The following ZC3H12B variants were observed in gnomAD, a reference collection of about 807,000 sequenced individuals.
ZC3H12B encodes the protein zinc finger CCCH-type containing 12B.
A neutral mutation model predicts 43.9 loss-of-function variants in ZC3H12B; 7 were observed. The observed-to-expected ratio is 0.16, with a 90% CI of 0.09 to 0.30. ZC3H12B has a LOEUF of 0.30. ZC3H12B is among the 10% of genes least tolerant of loss of function. The probability of loss-of-function intolerance (pLI) is 1.00; values close to 1 mark genes in which losing one functional copy is unlikely to be tolerated. For synonymous variants in ZC3H12B, 222 were observed against 241.7 expected, an observed-to-expected ratio of 0.92 and a Z score of 0.76; for missense variants, 475 against 670.2, an observed-to-expected ratio of 0.71 and a Z score of 3.22.
chrX:65,467,566 C>A (rs773704372), intron 3 of ZC3H12B, among the ~76,000 whole-genome samples: 2 of 112,221 alleles, frequency 1.8e-5, no homozygotes, highest in Non-Finnish European at 3.8e-5. Flanking sequence ...ACATTATCAC[C>A]AGCAGCATAT....
the ZC3H12B span, among the ~76,000 whole-genome samples, chrX:65,094,731 T>G: frequency 8.9e-6 from 1 of 112,184 alleles, no homozygotes; most frequent in Admixed American, 9.4e-5. Context: ...ATGAAACAAT[T>G]AAAATTGTTG....
the ZC3H12B span, among the ~76,000 whole-genome samples, chrX:65,252,937 G>A: frequency 4.4e-3 from 493 of 111,806 alleles, 3 homozygotes; most frequent in Non-Finnish European, 6.6e-3. Flanking sequence ...TAAATTATAC[G>A]TTTTTTGGGA....
chrX:65,147,728 A>G, the ZC3H12B span, among the ~76,000 whole-genome samples: 2 of 110,837 alleles, frequency 1.8e-5, no homozygotes, highest in South Asian at 7.7e-4. Context: ...GATCTACTGG[A>G]GTATCCCTGA....
At chrX:65,387,622 A>G (rs898698756) in intron 2 of ZC3H12B, among the ~76,000 whole-genome samples, 11 of 111,621 alleles carry the variant, frequency 9.9e-5, no homozygotes, top group Non-Finnish European at 1.9e-4. Context: ...TTTTATTTGG[A>G]GCATTTAGTC....
At chrX:65,170,306 T>G in the ZC3H12B span, among the ~76,000 whole-genome samples, 2 of 111,813 alleles carry the variant, frequency 1.8e-5, no homozygotes, top group African/African-American at 6.5e-5. Context: ...TTAATTTGGC[T>G]GGATATGAAA....
the ZC3H12B span, among the ~76,000 whole-genome samples, chrX:65,176,869 A>G: frequency 4.6e-4 from 51 of 111,638 alleles, no homozygotes; most frequent in Non-Finnish European, 8.1e-4. Context: ...AGCTGGTACC[A>G]TTTCTTCTGA....
intron 2 of ZC3H12B, among the ~76,000 whole-genome samples, chrX:65,390,561 C>A (rs911691240): frequency 7.2e-5 from 8 of 111,330 alleles, no homozygotes; most frequent in African/African-American, 2.6e-4. Context: ...AACACTTGAT[C>A]ACCCAGATAT....
At chrX:65,250,601 T>G in the ZC3H12B span, among the ~76,000 whole-genome samples, 17 of 111,445 alleles carry the variant, frequency 1.5e-4, no homozygotes, top group South Asian at 3.0e-3. Context: ...AGCACCTGTT[T>G]TTTCCTGACT....
chrX:65,300,928 A>G, the ZC3H12B span, among the ~76,000 whole-genome samples: 24 of 110,756 alleles, frequency 2.2e-4, no homozygotes, highest in Non-Finnish European at 1.3e-4. Context: ...TTTGCGAACC[A>G]TGCATCTGAC....
At chrX:65,375,686 C>T (rs766815333) in intron 2 of ZC3H12B, among the ~76,000 whole-genome samples, 1 of 111,225 alleles carries the variant, frequency 9.0e-6, no homozygotes, top group East Asian at 2.9e-4. Flanking sequence ...CTAGATACAT[C>T]CTGAGCCAGA....
the ZC3H12B span, among the ~76,000 whole-genome samples, chrX:65,292,717 G>A: frequency 1.8e-5 from 2 of 111,136 alleles, no homozygotes; most frequent in Non-Finnish European, 3.8e-5. Context: ...AGGCATGGTG[G>A]CTTATTCCTG....
chrX:65,503,430 C>T, exon 5 of ZC3H12B: 1 of 338,597 alleles, frequency 3.0e-6, no homozygotes, highest in South Asian at 5.9e-5. Flanking sequence ...GCCAGGGTCA[C>T]ACTGCTAGCA....
At chrX:65,393,369 T>C (rs778086046) in intron 2 of ZC3H12B, among the ~76,000 whole-genome samples, 40 of 111,876 alleles carry the variant, frequency 3.6e-4, no homozygotes, top group African/African-American at 1.3e-3. Context: ...GCCATGGTGG[T>C]TTGCTGCACC....
At chrX:65,233,994 G>A in the ZC3H12B span, among the ~76,000 whole-genome samples, 8 of 110,945 alleles carry the variant, frequency 7.2e-5, no homozygotes, top group Non-Finnish European at 3.8e-5. Flanking sequence ...TTCTGAGAAG[G>A]GACTAATTCT....
chrX:65,111,530 A>G, the ZC3H12B span, among the ~76,000 whole-genome samples: 2 of 104,375 alleles, frequency 1.9e-5, no homozygotes, highest in African/African-American at 7.9e-5. Flanking sequence ...CAAGTATTGC[A>G]ATTTTTATTT....
chrX:65,450,703 A>G (rs2067478560), intron 3 of ZC3H12B, among the ~76,000 whole-genome samples: 1 of 33,419 alleles, frequency 3.0e-5, no homozygotes, highest in Non-Finnish European at 3.9e-5. Context: ...ACATATGTGT[A>G]TATATGTATA....
At chrX:65,275,495 C>T in the ZC3H12B span, among the ~76,000 whole-genome samples, 1 of 112,917 alleles carries the variant, frequency 8.9e-6, no homozygotes, top group Non-Finnish European at 1.9e-5. Flanking sequence ...GTATTCCTTA[C>T]CTGAGAAATA....
the ZC3H12B span, among the ~76,000 whole-genome samples, chrX:65,190,707 A>T: frequency 9.1e-6 from 1 of 109,595 alleles, no homozygotes; most frequent in Non-Finnish European, 1.9e-5. Context: ...GGCTGAGACA[A>T]TGGGGTTTTC....
At chrX:65,249,413 T>G in the ZC3H12B span, among the ~76,000 whole-genome samples, 1 of 112,093 alleles carries the variant, frequency 8.9e-6, no homozygotes, top group African/African-American at 3.2e-5. Context: ...GTTCCATTGG[T>G]CTAATTGGTA....
Sources: allele counts gnomAD v4.1 joint callset (sites outside exome capture counted in the v4.1 genomes callset), GRCh38; gene constraint gnomAD v4.1.1; transcripts MANE v1.5; gene names NCBI Gene and HGNC (gene_info 2026-07-23, HGNC 2026-07-21).